MTCH2: variants seen among roughly 807,000 people sequenced by gnomAD.
MTCH2 encodes mitochondrial carrier 2, also known as mitochondrial carrier homolog 2.
MTCH2 carries 25 observed loss-of-function variants against 50.6 expected under a neutral mutation model. The observed-to-expected ratio is 0.49, with a 90% confidence interval of 0.36 to 0.69. The LOEUF (loss-of-function observed/expected upper bound fraction) is 0.69, where lower values mean the gene tolerates loss of function less well. Ranked by LOEUF, MTCH2 falls within the 30% of genes least tolerant of loss-of-function variation. The pLI is 0.00. For synonymous variants in MTCH2, 106 were observed against 132.0 expected (o/e 0.80, Z 1.35); for missense variants, 273 against 384.4 (o/e 0.71, Z 2.42).
At chr11:47,611,907 C>T in the MTCH2 span, among the ~76,000 whole-genome samples, 1 of 152,166 alleles carries the variant, frequency 6.6e-6, no homozygotes, top group Non-Finnish European at 1.5e-5. Context: ...TAGACCAAGG[C>T]AAGATGGGCT....
At chr11:47,633,527 T>TATATATATATATATATATATA (rs59398950) in intron 5 of MTCH2, among the ~76,000 whole-genome samples, 30 of 18,974 alleles carry the variant, frequency 1.6e-3, no homozygotes, top group Non-Finnish European at 2.2e-3. Flanking sequence ...TATATATATA[T>TATATATATATATATATATATA]TTTTTTTTTT....
rs869251946 is a variant in MTCH2 at position 47,633,526 on chromosome 11, ATTTTTTTTT to A, written c.369+1137_369+1145del. On this transcript the variant is annotated intron_variant, in intron 5 of 12. Transcript: ENST00000302503. ...TTGGAATATATATATATATATATAT[ATTTTTTTTT>A]TTTTTTTTTTTTTTTCTTGAGATGG... Among the ~76,000 whole-genome samples, 293 of 35,048 alleles carry A rather than the reference ATTTTTTTTT, an allele frequency of 8.4e-3. 3 individuals are homozygous for A. Among genetic ancestry groups the A allele is most frequent in the Middle Eastern group, 0.05 (2 of 40 alleles). The allele number at this position is 35,048 out of a possible 152,430, so 23.0% of individuals were successfully genotyped here.
intron 11 of MTCH2, among the ~76,000 whole-genome samples, chr11:47,623,401 C>T (rs2097295151): frequency 7.0e-6 from 1 of 142,746 alleles, no homozygotes; most frequent in South Asian, 2.2e-4. Context: ...AAAAAAAGAG[C>T]AGGGAAAGGA....
At chr11:47,612,245 G>C in the MTCH2 span, among the ~76,000 whole-genome samples, 12 of 151,448 alleles carry the variant, frequency 7.9e-5, no homozygotes, top group East Asian at 2.0e-3. Context: ...AGCAAACCCT[G>C]TCTCTACTAA....
chr11:47,616,974 G>A (rs750140729), downstream of MTCH2, among the ~76,000 whole-genome samples: 3 of 152,162 alleles, frequency 2.0e-5, no homozygotes, highest in Admixed American at 2.0e-4. Context: ...ATGAGCCATT[G>A]CGCCCGGTCG....
chr11:47,642,189 C>A (rs2097314875), intron 1 of MTCH2, among the ~76,000 whole-genome samples, 190 bp downstream of exon 1: 1 of 152,082 alleles, frequency 6.6e-6, no homozygotes, highest in Admixed American at 6.6e-5. Flanking sequence ...GAGGCGAGGG[C>A]TCGGCGAGGC....
intron 5 of MTCH2, among the ~76,000 whole-genome samples, chr11:47,633,526 A>ATATATATATTT (rs1378774715): frequency 2.9e-5 from 1 of 35,076 alleles, no homozygotes; most frequent in Non-Finnish European, 5.9e-5. Flanking sequence ...ATATATATAT[A>ATATATATATTT]TTTTTTTTTT....
At chr11:47,639,694 C>A (rs572052825) in intron 1 of MTCH2, among the ~76,000 whole-genome samples, 2 of 151,776 alleles carry the variant, frequency 1.3e-5, no homozygotes, top group Non-Finnish European at 2.9e-5. Context: ...AAAAATTAGC[C>A]GGGCGTAGGG....
downstream of MTCH2, among the ~76,000 whole-genome samples, chr11:47,616,706 G>A (rs2097288631): frequency 6.7e-6 from 1 of 148,418 alleles, no homozygotes; most frequent in Non-Finnish European, 1.5e-5. Flanking sequence ...TAAGAGATGG[G>A]AGTTTCACTC....
At chr11:47,629,540 A>G (rs1044102055) in intron 8 of MTCH2, among the ~76,000 whole-genome samples, 6 of 152,146 alleles carry the variant, frequency 3.9e-5, no homozygotes, top group African/African-American at 1.4e-4. Context: ...GTGAGGCAGC[A>G]TGGAATAGTG....
chr11:47,625,868 C>T lies in MTCH2; in HGVS notation c.682-127G>A, dbSNP rs887502491. On this transcript the variant is annotated intron_variant, in intron 10 of 12. Coordinates refer to ENST00000302503, the MANE Select transcript of MTCH2 (RefSeq NM_014342.4). ...ACACTTGTCTCGCTTCATCGGTACC[C>T]TGGAAAGACAACAGTTACAGTTTTG... 37 of 625,070 alleles carry T rather than the reference C, an allele frequency of 5.9e-5. No homozygotes were observed. In the South Asian group the frequency reaches 7.8e-4, roughly 13 times the overall value. The allele number at this position is 625,070 out of a possible 1,614,324, so 38.7% of individuals were successfully genotyped here. A position where few individuals can be genotyped will look rare whatever the true frequency, so the allele number is the denominator to read the frequency against.
intron 3 of MTCH2, among the ~76,000 whole-genome samples, chr11:47,637,474 T>C (rs2097309783): frequency 6.6e-6 from 1 of 152,118 alleles, no homozygotes; most frequent in Non-Finnish European, 1.5e-5. Flanking sequence ...CCTTTGTATC[T>C]GATGGTTTCT....
At chr11:47,620,833 G>A (rs2097292608) in intron 12 of MTCH2, among the ~76,000 whole-genome samples, 1 of 152,154 alleles carries the variant, frequency 6.6e-6, no homozygotes. Flanking sequence ...GATTAAGAAT[G>A]ACACCTATTC....
intron 4 of MTCH2, among the ~76,000 whole-genome samples, chr11:47,635,127 G>C (rs755447719): frequency 6.6e-6 from 1 of 151,660 alleles, no homozygotes; most frequent in Non-Finnish European, 1.5e-5. Context: ...TCACTCACGC[G>C]GAGTGCAGTG....
chr11:47,639,451 T>C (rs1001071239), intron 1 of MTCH2, among the ~76,000 whole-genome samples: 5 of 152,260 alleles, frequency 3.3e-5, no homozygotes, highest in African/African-American at 1.2e-4. Context: ...CAGCTGCATA[T>C]TTGGCAACCC....
chr11:47,642,501 G>C lies in MTCH2; in HGVS notation c.-36C>G. ...GCGGGCGGACGGACAGACAGACGGA[G>C]CCACCAAGCGACCCGGTGAGCCGGT... On this transcript the variant is annotated 5_prime_UTR_variant, in exon 1 of 13. Transcript: ENST00000302503. The C allele has an allele frequency of 6.5e-7, 1 of 1,547,126 alleles. No individual in the cohort carries two copies. Among genetic ancestry groups the C allele is most frequent in the South Asian group, 1.2e-5 (1 of 83,468 alleles).
chr11:47,640,892 T>TTTTTG (rs964135295), intron 1 of MTCH2, among the ~76,000 whole-genome samples: 142 of 152,072 alleles, frequency 9.3e-4, no homozygotes, highest in Non-Finnish European at 1.5e-3. Context: ...AGTGGGTTCT[T>TTTTTG]TTTTGTTTTG....
intron 3 of MTCH2, among the ~76,000 whole-genome samples, chr11:47,638,408 G>A (rs1446242488): frequency 1.4e-5 from 2 of 138,778 alleles, no homozygotes; most frequent in African/African-American, 5.4e-5. Context: ...AATTAGCCGG[G>A]CGCAGTGGCG....
At chr11:47,639,481 CA>C (rs1197394134) in intron 1 of MTCH2, among the ~76,000 whole-genome samples, 1 of 152,230 alleles carries the variant, frequency 6.6e-6, no homozygotes, top group Non-Finnish European at 1.5e-5. Context: ...ACTCAAAAGG[CA>C]AATGCAGATA....
Sources: allele counts gnomAD v4.1 joint callset (sites outside exome capture counted in the v4.1 genomes callset), GRCh38; gene constraint gnomAD v4.1.1; transcripts MANE v1.5; gene names NCBI Gene and HGNC (gene_info 2026-07-23, HGNC 2026-07-21).